Variants in FBXL17 observed in about 807,000 individuals in gnomAD.
The protein encoded by FBXL17 is F-box and leucine rich repeat protein 17.
FBXL17 carries 22 observed loss-of-function variants against 66.2 expected under a neutral mutation model. The observed-to-expected ratio is 0.33, with a 90% CI of 0.24 to 0.47. The LOEUF is 0.47. FBXL17 is among the 20% of genes least tolerant of loss of function. The pLI is 1.00. For synonymous variants in FBXL17, 474 were observed against 400.5 expected, an observed-to-expected ratio of 1.18 and a Z score of -2.19; for missense variants, 878 against 948.2, an observed-to-expected ratio of 0.93 and a Z score of 0.97.
rs1750633156 is a variant in FBXL17, at chr5:108,124,808, C to A, written c.1745+61309G>T. 2.0e-5 allele frequency among the ~76,000 whole-genome samples: 3 copies of A among 152,162 alleles called. No individual in the cohort carries two copies. The South Asian group carries it at 6.2e-4, about 32-fold the overall frequency. On this transcript the variant is annotated intron_variant, in intron 6 of 8. Coordinates refer to ENST00000542267, the MANE Select transcript of FBXL17 (RefSeq NM_001163315.3). ...AATCTCTTCTGTGCATCAATTATAA[C>A]TTACGCAGCTCCCTGAGCAGCATTT...
At chr5:108,100,573 C>T (rs1265082048) in intron 6 of FBXL17, among the ~76,000 whole-genome samples, 1 of 152,142 alleles carries the variant, frequency 6.6e-6, no homozygotes, top group African/African-American at 2.4e-5. Context: ...TCTTTATACC[C>T]TACCAGGAGG....
intron 6 of FBXL17, among the ~76,000 whole-genome samples, chr5:108,096,920 C>A (rs1749389904): frequency 6.6e-6 from 1 of 152,158 alleles, no homozygotes; most frequent in Admixed American, 6.5e-5. Context: ...GAGTGGTACA[C>A]ATGTAAAGGC....
At chr5:107,891,112 A>G (rs973101935) in intron 7 of FBXL17, among the ~76,000 whole-genome samples, 6 of 152,212 alleles carry the variant, frequency 3.9e-5, no homozygotes, top group African/African-American at 1.4e-4. Context: ...CCTCACGAAG[A>G]AAGTGACATT....
chr5:107,910,257 C>T (rs1749906242), intron 7 of FBXL17, among the ~76,000 whole-genome samples: 2 of 151,996 alleles, frequency 1.3e-5, no homozygotes, highest in South Asian at 4.2e-4. Flanking sequence ...AAGTATGACG[C>T]AAATGAAGTA....
intron 4 of FBXL17, among the ~76,000 whole-genome samples, chr5:108,325,220 T>C (rs1275863465): frequency 6.6e-6 from 1 of 152,102 alleles, no homozygotes; most frequent in East Asian, 1.9e-4. Context: ...ATTATTTTTT[T>C]ATTTAAGAGA....
At chr5:107,878,117 T>C (rs1483977372) in intron 8 of FBXL17, 5 of 472,806 alleles carry the variant, frequency 1.1e-5, no homozygotes, top group Non-Finnish European at 1.4e-5. Flanking sequence ...GCATTAGTTT[T>C]TCCATTGCAA....
At chr5:108,040,577 C>A (rs548059358) in intron 6 of FBXL17, among the ~76,000 whole-genome samples, 2 of 152,116 alleles carry the variant, frequency 1.3e-5, no homozygotes, top group African/African-American at 2.4e-5. Context: ...TTTTCCCTGA[C>A]ATGCAAAGAT....
chr5:108,122,381 A>G (rs556515029), intron 6 of FBXL17, among the ~76,000 whole-genome samples: 5 of 152,344 alleles, frequency 3.3e-5, no homozygotes, highest in South Asian at 2.1e-4. Flanking sequence ...CCACAGTACT[A>G]TACTTCATAA....
At chr5:108,072,672 C>T (rs1229774965) in intron 6 of FBXL17, among the ~76,000 whole-genome samples, 1 of 151,946 alleles carries the variant, frequency 6.6e-6, no homozygotes, top group African/African-American at 2.4e-5. Flanking sequence ...TGCGCCACTG[C>T]ACTCCAGCCT....
intron 4 of FBXL17, among the ~76,000 whole-genome samples, chr5:108,289,237 A>T (rs1198159587): frequency 1.3e-5 from 2 of 152,172 alleles, no homozygotes; most frequent in South Asian, 2.1e-4. Context: ...ATGTGTTATT[A>T]TTAATTTTCT....
chr5:108,272,571 C>T (rs978920300), intron 4 of FBXL17, among the ~76,000 whole-genome samples: 1 of 152,016 alleles, frequency 6.6e-6, no homozygotes, highest in Non-Finnish European at 1.5e-5. Flanking sequence ...CCAAGCTTAT[C>T]TCAAACTCCT....
chr5:108,206,253 T>C (rs569118715), intron 5 of FBXL17, among the ~76,000 whole-genome samples: 13 of 152,304 alleles, frequency 8.5e-5, no homozygotes, highest in South Asian at 4.1e-4. Context: ...TTTTTTGTAA[T>C]TCCTATAAGA....
chr5:107,862,273 T>C (rs1748145468), intron 8 of FBXL17, among the ~76,000 whole-genome samples: 1 of 151,742 alleles, frequency 6.6e-6, no homozygotes, highest in Non-Finnish European at 1.5e-5. Flanking sequence ...GAGGACACAC[T>C]AGATTCCAGA....
At chr5:108,298,447 T>C in intron 4 of FBXL17, 1 of 972,196 alleles carries the variant, frequency 1.0e-6, no homozygotes, top group Non-Finnish European at 1.2e-6. Context: ...TAAACAAAAC[T>C]TCAGTAGGCT....
At chr5:108,353,082 C>G (rs1234109433) in intron 3 of FBXL17, among the ~76,000 whole-genome samples, 2 of 152,168 alleles carry the variant, frequency 1.3e-5, no homozygotes, top group Non-Finnish European at 2.9e-5. Context: ...CATTCAGTAA[C>G]TGTAATGCTT....
At chr5:108,370,701 C>T (rs1748974046) in intron 1 of FBXL17, among the ~76,000 whole-genome samples, 1 of 151,594 alleles carries the variant, frequency 6.6e-6, no homozygotes, top group Non-Finnish European at 1.5e-5. Context: ...CAAGATTGCA[C>T]CACTGCACTC....
At chr5:107,890,887 G>T (rs550148490) in intron 7 of FBXL17, among the ~76,000 whole-genome samples, 85 of 152,052 alleles carry the variant, frequency 5.6e-4, no homozygotes, top group Non-Finnish European at 6.0e-4. Flanking sequence ...TCTTTCATTC[G>T]ACAAATACAA....
chr5:107,869,468 G>A (rs1748381359), intron 8 of FBXL17, among the ~76,000 whole-genome samples: 1 of 152,124 alleles, frequency 6.6e-6, no homozygotes, highest in South Asian at 2.1e-4. Flanking sequence ...CCCCAAATTT[G>A]CATGTAAATG....
chr5:108,214,368 CT>C (rs70996986), intron 5 of FBXL17, among the ~76,000 whole-genome samples: 27,454 of 129,392 alleles, frequency 0.21, 2,294 homozygotes, highest in African/African-American at 0.31. Context: ...TATTAATTGA[CT>C]TTTTTTTTTT....
Sources: allele counts gnomAD v4.1 joint callset (sites outside exome capture counted in the v4.1 genomes callset), GRCh38; gene constraint gnomAD v4.1.1; transcripts MANE v1.5; gene names NCBI Gene and HGNC (gene_info 2026-07-23, HGNC 2026-07-21).